Variants in TMEFF2 observed in about 807,000 individuals in gnomAD.
The protein encoded by TMEFF2 is transmembrane protein with EGF like and two follistatin like domains 2.
A neutral mutation model predicts 53.8 loss-of-function variants in TMEFF2; 28 were observed. The ratio of observed to expected loss-of-function variants is 0.52; its 90% CI spans 0.39 to 0.71. The LOEUF (loss-of-function observed/expected upper bound fraction) is 0.71, where lower values mean the gene tolerates loss of function less well. Ranked by LOEUF, TMEFF2 falls within the 30% of genes least tolerant of loss-of-function variation. The pLI is 0.00. For synonymous variants in TMEFF2, 162 were observed against 166.3 expected (o/e 0.97, Z 0.20); for missense variants, 353 against 455.2 (o/e 0.78, Z 2.04).
intron 4 of TMEFF2, among the ~76,000 whole-genome samples, chr2:192,062,084 T>G (rs200125123): frequency 2.3e-4 from 2 of 8,644 alleles, no homozygotes; most frequent in African/African-American, 2.6e-4. Flanking sequence ...TTAATTAGTG[T>G]TGAGTGCATA....
intron 4 of TMEFF2, among the ~76,000 whole-genome samples, chr2:192,085,417 T>C (rs1688648501): frequency 6.6e-6 from 1 of 152,134 alleles, no homozygotes. Flanking sequence ...TGGCATTTTC[T>C]GCACATCAAA....
chr2:192,156,346 T>C (rs1285595662), intron 4 of TMEFF2, among the ~76,000 whole-genome samples: 1 of 152,006 alleles, frequency 6.6e-6, no homozygotes, highest in East Asian at 1.9e-4. Context: ...AACAACTCTA[T>C]GAGGCAGAAA....
intron 4 of TMEFF2, among the ~76,000 whole-genome samples, chr2:192,102,568 CCCT>C (rs1046460075): frequency 2.6e-5 from 4 of 151,450 alleles, no homozygotes; most frequent in Non-Finnish European, 4.4e-5. Flanking sequence ...TCTCTCCTTC[CCCT>C]CCTTTTATTT....
chr2:192,044,353 A>C (rs192178846), intron 5 of TMEFF2: 1 of 152,270 alleles, frequency 6.6e-6, no homozygotes, highest in East Asian at 1.9e-4. Flanking sequence ...AATTCAGTGA[A>C]ATTTCTAGGG....
At chr2:191,966,903 AAACTAAGG>A (rs1229461969) in intron 7 of TMEFF2, among the ~76,000 whole-genome samples, 13 of 152,170 alleles carry the variant, frequency 8.5e-5, no homozygotes, top group Non-Finnish European at 1.6e-4. Context: ...ATAATTTATT[AAACTAAGG>A]AACAGAGGTA....
chr2:192,163,287 G>T (rs1690678892), intron 4 of TMEFF2, among the ~76,000 whole-genome samples: 1 of 152,174 alleles, frequency 6.6e-6, no homozygotes. Flanking sequence ...ATGCTCCAAA[G>T]GTGTTGCTAG....
intron 4 of TMEFF2, among the ~76,000 whole-genome samples, chr2:192,162,740 A>G (rs1299369964): frequency 1.3e-5 from 2 of 152,226 alleles, no homozygotes; most frequent in East Asian, 3.8e-4. Flanking sequence ...TGAGCTTTTA[A>G]AAACCAAACA....
chr2:191,957,524 G>GA (rs1010735374), intron 7 of TMEFF2, among the ~76,000 whole-genome samples: 1 of 152,026 alleles, frequency 6.6e-6, no homozygotes, highest in Admixed American at 6.5e-5. Context: ...TTCATTGGAA[G>GA]AAAAAAACAT....
chr2:192,124,808 T>G (rs1376787367), intron 4 of TMEFF2, among the ~76,000 whole-genome samples: 3 of 152,180 alleles, frequency 2.0e-5, no homozygotes, highest in Non-Finnish European at 4.4e-5. Context: ...TTCCAATATT[T>G]CAGAGTTTTG....
At chr2:192,171,687 T>TCC (rs1253492966) in intron 4 of TMEFF2, among the ~76,000 whole-genome samples, 1 of 151,988 alleles carries the variant, frequency 6.6e-6, no homozygotes, top group Non-Finnish European at 1.5e-5. Context: ...GCCTGCAATG[T>TCC]CCTTCTCTCC....
chr2:192,096,130 C>T (rs947499349), intron 4 of TMEFF2, among the ~76,000 whole-genome samples: 3 of 152,106 alleles, frequency 2.0e-5, no homozygotes, highest in Admixed American at 1.3e-4. Flanking sequence ...AAAAACAAAG[C>T]GGTTGATATT....
intron 4 of TMEFF2, among the ~76,000 whole-genome samples, chr2:192,135,958 A>C (rs975257677): frequency 6.8e-6 from 1 of 147,414 alleles, no homozygotes; most frequent in African/African-American, 2.5e-5. Context: ...GTAATTTTCC[A>C]TTACCTTCCC....
chr2:192,055,757 A>AGAGT (rs1034689248), intron 5 of TMEFF2, among the ~76,000 whole-genome samples: 11 of 135,890 alleles, frequency 8.1e-5, no homozygotes, highest in Non-Finnish European at 3.1e-5. Flanking sequence ...CCTGGGCGAC[A>AGAGT]GAGTGAGACT....
rs1559063474 is a variant in TMEFF2 at position 191,964,366 on chromosome 2, TTCTTTCTC to T, written c.746-7996_746-7989del. 5.9e-4 allele frequency among the ~76,000 whole-genome samples: 53 copies of T among 89,796 alleles called. 2 individuals carry two copies. The highest frequency in any genetic ancestry group is 2.6e-3 in the African/African-American group (51 of 19,698). 58.9% of individuals were successfully genotyped at this position (89,796 alleles called of 152,430 possible). On this transcript the variant is annotated intron_variant, in intron 7 of 9. Coordinates refer to ENST00000272771, the MANE Select transcript of TMEFF2 (RefSeq NM_016192.4). ...TTTCTTTCTTTCTTTCTTTCTTTCT[TTCTTTCTC>T]TTTCTTTCTTTCTTTCTTTCTTTCT...
intron 4 of TMEFF2, among the ~76,000 whole-genome samples, chr2:192,102,689 T>G (rs1210757181): frequency 7.5e-6 from 1 of 132,890 alleles, no homozygotes; most frequent in Non-Finnish European, 1.5e-5. Flanking sequence ...AGTGCAGTGG[T>G]ATGATCTCGG....
intron 2 of TMEFF2, among the ~76,000 whole-genome samples, chr2:192,185,264 T>C (rs983412138): frequency 6.6e-6 from 1 of 152,136 alleles, no homozygotes; most frequent in Middle Eastern, 3.2e-3. Context: ...CAACAGGGTA[T>C]AGTCATCATA....
At chr2:192,011,393 G>A (rs551380532) in intron 5 of TMEFF2, among the ~76,000 whole-genome samples, 8 of 152,306 alleles carry the variant, frequency 5.3e-5, no homozygotes, top group Admixed American at 3.3e-4. Flanking sequence ...CTAAATTCAC[G>A]TAGCAAAGGA....
chr2:192,125,363 TA>T (rs1189198008), intron 4 of TMEFF2, among the ~76,000 whole-genome samples: 1 of 152,118 alleles, frequency 6.6e-6, no homozygotes, highest in Non-Finnish European at 1.5e-5. Context: ...TCAACTCTAA[TA>T]AAAATATACT....
At chr2:192,030,553 C>T (rs1365545569) in intron 5 of TMEFF2, 3 of 151,956 alleles carry the variant, frequency 2.0e-5, no homozygotes, top group African/African-American at 7.3e-5. Flanking sequence ...CAGAGTTGCC[C>T]AACCTCTTTT....
Sources: allele counts gnomAD v4.1 joint callset (sites outside exome capture counted in the v4.1 genomes callset), GRCh38; gene constraint gnomAD v4.1.1; transcripts MANE v1.5; gene names NCBI Gene and HGNC (gene_info 2026-07-23, HGNC 2026-07-21).